WWP1: variants seen among roughly 807,000 people sequenced by gnomAD.
WWP1 encodes the protein WW domain containing E3 ubiquitin protein ligase 1, also known as NEDD4-like E3 ubiquitin-protein ligase WWP1.
In WWP1, 49 loss-of-function variants were observed where a neutral mutation model predicts 130.6. The ratio of observed to expected loss-of-function variants is 0.38; its 90% CI spans 0.30 to 0.48. The LOEUF is 0.48. Ranked by LOEUF, WWP1 falls within the 20% of genes least tolerant of loss-of-function variation. WWP1 has a pLI of 0.99. For missense variants in WWP1, 809 were observed against 1,100.6 expected, an observed-to-expected ratio of 0.74 and a Z score of 3.75; for synonymous variants, 332 against 367.8, an observed-to-expected ratio of 0.90 and a Z score of 1.11.
At chr8:86,351,999 T>A (rs1036015596) in intron 1 of WWP1, among the ~76,000 whole-genome samples, 13 of 151,714 alleles carry the variant, frequency 8.6e-5, no homozygotes, top group African/African-American at 2.7e-4. Context: ...TAGTGTGCTC[T>A]GTCAGAGTTC....
chr8:86,452,270 A>C (rs1255008192), intron 20 of WWP1, among the ~76,000 whole-genome samples: 1 of 152,178 alleles, frequency 6.6e-6, no homozygotes, highest in East Asian at 1.9e-4. Flanking sequence ...CTATCTTACT[A>C]AATAGTGAAG....
At chr8:86,438,781 ACAAT>A in intron 17 of WWP1, 108 bp downstream of exon 17, 1 of 922,202 alleles carries the variant, frequency 1.1e-6, no homozygotes, top group Non-Finnish European at 1.5e-6. Context: ...TTTTGAATTA[ACAAT>A]CCAGAATTTT....
chr8:86,384,195 C>A (rs1825152551), intron 5 of WWP1, among the ~76,000 whole-genome samples: 1 of 152,136 alleles, frequency 6.6e-6, no homozygotes, highest in Non-Finnish European at 1.5e-5. Flanking sequence ...AAAATCGAGT[C>A]TCTAAAAACG....
At position 86,376,076 on chromosome 8, in the gene WWP1, G is replaced by A. The variant is rs561477900; in HGVS notation, c.70+1956G>A. On this transcript the variant is annotated intron_variant, in intron 3 of 24. Transcript: ENST00000517970. ...ATAATGGGCATCTATTTTTGAAACA[G>A]TTCTGATGAAGCTGATAGGTACTCC... Among the ~76,000 whole-genome samples, 3 of 152,338 alleles carry A rather than the reference G, an allele frequency of 2.0e-5. No homozygotes were observed. In the South Asian group the frequency reaches 6.2e-4, roughly 32 times the overall value.
intron 1 of WWP1, among the ~76,000 whole-genome samples, chr8:86,363,794 CAAAA>C (rs375454489): frequency 1.7e-5 from 1 of 57,572 alleles, no homozygotes. Context: ...GACTCCATCT[CAAAA>C]AAAAAAAAAA....
chr8:86,418,679 T>C (rs1809025227), intron 9 of WWP1, among the ~76,000 whole-genome samples: 1 of 152,218 alleles, frequency 6.6e-6, no homozygotes, highest in African/African-American at 2.4e-5. Flanking sequence ...GAACTTCTGC[T>C]CTGCCTAGGG....
At chr8:86,423,811 GC>G (rs373220036) in intron 9 of WWP1, among the ~76,000 whole-genome samples, 102,189 of 142,848 alleles carry the variant, frequency 0.72, 36,913 homozygotes, top group African/African-American at 0.76. Context: ...GGGCAGAGGC[GC>G]CCCCCCCCCA....
chr8:86,361,246 G>A (rs1044428680), intron 1 of WWP1, among the ~76,000 whole-genome samples: 2 of 152,128 alleles, frequency 1.3e-5, no homozygotes, highest in African/African-American at 4.8e-5. Flanking sequence ...TGTAGTGGTA[G>A]TGATGGTAAG....
chr8:86,411,405 T>C, intron 8 of WWP1, 133 bp from the exon 9 acceptor site: 3 of 675,760 alleles, frequency 4.4e-6, no homozygotes, highest in Admixed American at 6.3e-5. Flanking sequence ...AAATATTACT[T>C]TGTCTGCTGT....
intron 1 of WWP1, among the ~76,000 whole-genome samples, chr8:86,345,795 A>G (rs1012593747): frequency 6.6e-6 from 1 of 152,210 alleles, no homozygotes; most frequent in African/African-American, 2.4e-5. Context: ...TGCTGTATAT[A>G]TACAGAAACA....
chr8:86,408,926 T>C (rs1808426476), intron 8 of WWP1, among the ~76,000 whole-genome samples: 2 of 152,046 alleles, frequency 1.3e-5, no homozygotes, highest in Admixed American at 1.3e-4. Flanking sequence ...AAAAAAATTT[T>C]TTTTCTTCGG....
chr8:86,417,680 G>A (rs1261999706), intron 9 of WWP1, among the ~76,000 whole-genome samples: 1 of 152,162 alleles, frequency 6.6e-6, no homozygotes, highest in Non-Finnish European at 1.5e-5. Context: ...TGGATGGAGG[G>A]CTTGGTTGTG....
At chr8:86,424,611 C>T (rs1049419802) in intron 9 of WWP1, among the ~76,000 whole-genome samples, 21 of 151,804 alleles carry the variant, frequency 1.4e-4, no homozygotes, top group South Asian at 8.3e-4. Context: ...GAGACCAGCC[C>T]GGCCAACACA....
intron 9 of WWP1, among the ~76,000 whole-genome samples, chr8:86,414,071 T>G (rs948534216): frequency 2.0e-5 from 3 of 152,232 alleles, no homozygotes; most frequent in African/African-American, 7.2e-5. Flanking sequence ...CAGTAATCTA[T>G]ATTAGTGTTT....
At chr8:86,347,474 A>ATG (rs1433076831) in intron 1 of WWP1, among the ~76,000 whole-genome samples, 1 of 152,208 alleles carries the variant, frequency 6.6e-6, no homozygotes, top group Non-Finnish European at 1.5e-5. Context: ...TCATTAGTTA[A>ATG]GAGCTGTATG....
intron 7 of WWP1, among the ~76,000 whole-genome samples, chr8:86,399,753 C>T (rs921567571): frequency 5.9e-5 from 9 of 152,070 alleles, no homozygotes; most frequent in East Asian, 3.8e-4. Flanking sequence ...TTCTACAGTA[C>T]GGGGAGAAAT....
chr8:86,367,002 C>G (rs1824013589), intron 1 of WWP1, among the ~76,000 whole-genome samples: 1 of 152,126 alleles, frequency 6.6e-6, no homozygotes, highest in Admixed American at 6.6e-5. Context: ...CTGCATGGTT[C>G]ATCCATTTTT....
chr8:86,448,654 A>G, intron 20 of WWP1, 141 bp downstream of exon 20: 2 of 727,572 alleles, frequency 2.7e-6, no homozygotes, highest in East Asian at 3.1e-5. Context: ...AAAAGAGAAT[A>G]TATGTTGCTT....
At position 86,381,587 on chromosome 8, in the gene WWP1, A is replaced by G. The variant is rs748748958; in HGVS notation, c.292A>G (p.Thr98Ala). The G allele has an allele frequency of 5.7e-5, 92 of 1,609,566 alleles. No homozygotes were observed. The highest frequency in any genetic ancestry group is 7.2e-5 in the Non-Finnish European group (85 of 1,179,030). ...LKADALLGKA[T>A]IDLKQALLIH... ...AGCAGATGCTTTATTAGGAAAAGCA[A>G]CGATAGATTTGAAACAAGCTCTGTT... The change falls in exon 5 of 25, where the codon ACG becomes GCG. Residue 98 changes from threonine to alanine, a missense_variant. Physicochemically the swap from Thr to Ala is moderately conservative, Grantham distance 58 (BLOSUM62 0). Coordinates refer to ENST00000517970, the MANE Select transcript of WWP1 (RefSeq NM_007013.4).
Sources: allele counts gnomAD v4.1 joint callset (sites outside exome capture counted in the v4.1 genomes callset), GRCh38; gene constraint gnomAD v4.1.1; transcripts MANE v1.5; gene names NCBI Gene and HGNC (gene_info 2026-07-23, HGNC 2026-07-21).